Variants in MASTL observed in about 807,000 individuals in gnomAD.
MASTL encodes serine/threonine-protein kinase greatwall.
A neutral mutation model predicts 82.5 loss-of-function variants in MASTL; 54 were observed. The ratio of observed to expected loss-of-function variants is 0.65; its 90% CI spans 0.53 to 0.82. The LOEUF (loss-of-function observed/expected upper bound fraction) is 0.82, where lower values mean the gene tolerates loss of function less well. MASTL is among the 40% of genes least tolerant of loss of function. MASTL has a pLI of 0.00. For missense variants in MASTL, 950 were observed against 1,047.8 expected (o/e 0.91, Z 1.29); for synonymous variants, 323 against 368.9 (o/e 0.88, Z 1.43).
At position 27,164,982 on chromosome 10, in the gene MASTL, TGTC is replaced by T. The variant is rs2057694716; in HGVS notation, c.554-81_554-79del. ...TTTGGTTTACAAAAAATTGTTTTGT[TGTC>T]ATATACATAACATTCATTTTTAGTC... On this transcript the variant is annotated intron_variant, in intron 4 of 11. Coordinates refer to ENST00000375940, the MANE Select transcript of MASTL (RefSeq NM_001172303.3). The T allele has an allele frequency of 3.2e-6, 3 of 935,654 alleles. No individual in the cohort carries two copies. The East Asian group carries it at 7.7e-5, about 24-fold the overall frequency. The allele number at this position is 935,654 out of a possible 1,614,324, so 58.0% of individuals were successfully genotyped here. A position where few individuals can be genotyped will look rare whatever the true frequency, so the allele number is the denominator to read the frequency against.
chr10:27,173,338 C>A, intron 9 of MASTL, 79 bp downstream of exon 9: 1 of 1,527,956 alleles, frequency 6.5e-7, no homozygotes, highest in Non-Finnish European at 9.1e-7. Flanking sequence ...TAAAAAATTT[C>A]TTCAGTACTT....
Position 27,170,675 on chromosome 10 carries a change from TTTTCCTGG to T in MASTL, c.1717_1724del (p.Phe573AsnfsTer17). On this transcript the variant is annotated frameshift_variant, in exon 8 of 12. Coordinates refer to ENST00000375940, the MANE Select transcript of MASTL (RefSeq NM_001172303.3). LOFTEE classifies it high-confidence loss of function. The stretch of plus-strand genomic sequence containing the variant: ...ATATTTCTATGAACTCTGATTCATC[TTTTCCTGG>T]AATTTCTATAATGGAAAGTCCATTA... 6.2e-7 allele frequency: 1 copy of T among 1,611,900 alleles called. No homozygotes were observed. The highest frequency in any genetic ancestry group is 1.1e-5 in the South Asian group (1 of 90,366).
chr10:27,182,616 C>G (rs903000761), intron 11 of MASTL, among the ~76,000 whole-genome samples: 30 of 152,008 alleles, frequency 2.0e-4, no homozygotes, highest in African/African-American at 7.3e-4. Flanking sequence ...AGGCAGTGCG[C>G]ACCTGTAGTT....
rs367954194 is a variant in MASTL, at chr10:27,179,434, G to C, written c.2267-1519G>C. 2.4e-4 allele frequency among the ~76,000 whole-genome samples: 36 copies of C among 152,244 alleles called. 1 individual carries two copies. In the East Asian group the frequency reaches 6.4e-3, roughly 27 times the overall value. On this transcript the variant is annotated intron_variant, in intron 9 of 11. Transcript: ENST00000375940. ...TATCTGGGCATGGTGGCAGGCGCCTGTAGTCCCAGCTACTTGGGAGGCTGA... is the reference window on the plus strand; with the variant it reads ...TATCTGGGCATGGTGGCAGGCGCCTCTAGTCCCAGCTACTTGGGAGGCTGA...
At position 27,171,024 on chromosome 10, in the gene MASTL, G is replaced by C; in HGVS notation, c.2065G>C (p.Gly689Arg). ...AATGGATATTTCGTGTGCCTACAGT[G>C]GTTCATATCCCATGGCTATAACCCC... Reference protein sequence around the residue: ...DAMDISCAYSGSYPMAITPTQ... With the variant: ...DAMDISCAYSRSYPMAITPTQ... The change falls in exon 8 of 12, where the codon GGT becomes CGT. Residue 689 changes from glycine to arginine, a missense_variant. Coordinates refer to ENST00000375940, the MANE Select transcript of MASTL (RefSeq NM_001172303.3). 6.2e-7 allele frequency: 1 copy of C among 1,613,936 alleles called. No individual in the cohort carries two copies. The highest frequency in any genetic ancestry group is 8.5e-7 in the Non-Finnish European group (1 of 1,179,940).
chr10:27,165,978 G>A (rs893429548), intron 6 of MASTL, among the ~76,000 whole-genome samples: 5 of 151,672 alleles, frequency 3.3e-5, no homozygotes, highest in South Asian at 2.1e-4. Flanking sequence ...CAGCCGAGGC[G>A]GGCGGATCCC....
chr10:27,171,714 T>C (rs901294225), intron 8 of MASTL, among the ~76,000 whole-genome samples: 4 of 151,762 alleles, frequency 2.6e-5, no homozygotes, highest in African/African-American at 9.7e-5. Context: ...ATTACAGGTG[T>C]GAGCCACCTC....
intron 8 of MASTL, 47 bp downstream of exon 8, chr10:27,171,130 T>A (rs1442955952): frequency 6.7e-7 from 1 of 1,503,064 alleles, no homozygotes; most frequent in African/African-American, 1.4e-5. Context: ...TTAGAAAAAC[T>A]ATGAAGACAG....
rs369933604 is a variant in MASTL at position 27,182,614 on chromosome 10, C to T, written c.2482+1033C>T. Reference sequence around the variant, plus strand: ...CAAAAAATAGCCAAGCAAGGCAGTGCGCACCTGTAGTTCCAGCTACTTGGG... The same window carrying T: ...CAAAAAATAGCCAAGCAAGGCAGTGTGCACCTGTAGTTCCAGCTACTTGGG... On this transcript the variant is annotated intron_variant, in intron 11 of 11. Transcript: ENST00000375940. 1.1e-4 allele frequency among the ~76,000 whole-genome samples: 16 copies of T among 151,932 alleles called. No individual in the cohort carries two copies. In the East Asian group the frequency reaches 1.9e-3, roughly 18 times the overall value.
At chr10:27,184,678 A>T (rs959412128) in intron 11 of MASTL, among the ~76,000 whole-genome samples, 2 of 143,192 alleles carry the variant, frequency 1.4e-5, no homozygotes, top group African/African-American at 2.6e-5. Flanking sequence ...CTCCTGCCTC[A>T]GCCTCCCAAA....
At chr10:27,171,185 C>T in intron 8 of MASTL, 102 bp downstream of exon 8, 1 of 995,964 alleles carries the variant, frequency 1.0e-6, no homozygotes, top group Non-Finnish European at 1.5e-6. Flanking sequence ...TCATATAGTT[C>T]TGTTCTTCTT....
In MASTL at chr10:27,159,558, A is replaced by G; in HGVS notation, c.325-61A>G. 8.2e-7 allele frequency: 1 copy of G among 1,216,064 alleles called. No individual in the cohort carries two copies. Among genetic ancestry groups the G allele is most frequent in the Non-Finnish European group, 1.2e-6 (1 of 831,066 alleles). The allele number at this position is 1,216,064 out of a possible 1,614,324, so 75.3% of individuals were successfully genotyped here. A position where few individuals can be genotyped will look rare whatever the true frequency, so the allele number is the denominator to read the frequency against. On this transcript the variant is annotated intron_variant, in intron 2 of 11. Coordinates refer to ENST00000375940, the MANE Select transcript of MASTL (RefSeq NM_001172303.3). This position sits in a 1 kb window ranked among gnomAD's most constrained non-coding sequence, Gnocchi z 4.0. ...AATATTGTAACTGTAATGCCCAAAT[A>G]CTAGATTTTTAAAGTAATCATATTG...
rs779347284 is a variant in MASTL at position 27,170,371 on chromosome 10, A to G, written c.1412A>G (p.Asn471Ser). 1.2e-6 allele frequency: 2 copies of G among 1,613,850 alleles called. No individual in the cohort carries two copies. Among genetic ancestry groups the G allele is most frequent in the Admixed American group, 3.3e-5 (2 of 59,996 alleles). The change falls in exon 8 of 12, where the codon AAC becomes AGC. Residue 471 changes from asparagine to serine, a missense_variant. Coordinates refer to ENST00000375940, the MANE Select transcript of MASTL (RefSeq NM_001172303.3). Reference protein sequence around the residue: ...NKKTCVEYKHNEMTNCYTNQN... With the variant: ...NKKTCVEYKHSEMTNCYTNQN... ...AAAACTTGTGTAGAGTATAAGCATAACGAAATGACAAATTGTTATACAAAT... is the reference window on the plus strand; with the variant it reads ...AAAACTTGTGTAGAGTATAAGCATAGCGAAATGACAAATTGTTATACAAAT...
chr10:27,167,337 T>C (rs1392171724), intron 7 of MASTL, 63 bp downstream of exon 7: 2 of 1,361,490 alleles, frequency 1.5e-6, no homozygotes, highest in African/African-American at 2.9e-5. Flanking sequence ...TGAGAAATAT[T>C]ATACCTTTTC....
At chr10:27,177,798 C>T in intron 9 of MASTL, 2 of 969,388 alleles carry the variant, frequency 2.1e-6, no homozygotes, top group Non-Finnish European at 2.5e-6. Flanking sequence ...TTCTTACATG[C>T]AGGATTTCTG....
rs986260462 is a variant in MASTL, at chr10:27,158,816, T to C, written c.324+130T>C. Reference sequence around the variant, plus strand: ...TGGCTGCACTCACTGCCTTGGCAAATTTACCTGTTATATTAGTTAGAGTTC... The same window carrying C: ...TGGCTGCACTCACTGCCTTGGCAAACTTACCTGTTATATTAGTTAGAGTTC... On this transcript the variant is annotated intron_variant, in intron 2 of 11. Coordinates refer to ENST00000375940, the MANE Select transcript of MASTL (RefSeq NM_001172303.3). The C allele has an allele frequency of 7.8e-5, 72 of 928,116 alleles. 1 individual carries two copies. The highest frequency in any genetic ancestry group is 1.2e-4 in the Non-Finnish European group (70 of 575,768). The allele number at this position is 928,116 out of a possible 1,614,324, so 57.5% of individuals were successfully genotyped here. A position where few individuals can be genotyped will look rare whatever the true frequency, so the allele number is the denominator to read the frequency against.
At chr10:27,162,454 A>AG (rs1314080763) in intron 4 of MASTL, among the ~76,000 whole-genome samples, 1 of 152,222 alleles carries the variant, frequency 6.6e-6, no homozygotes. Context: ...CTTGAGGTTG[A>AG]GGTCAGGAGT....
Position 27,170,341 on chromosome 10 carries a change from A to G in MASTL, c.1382A>G (p.Asn461Ser). Residue 461 changes from asparagine to serine, a missense_variant, in exon 8 of 12, where the codon AAT becomes AGT. Transcript: ENST00000375940. ...DSSPCKKIIQNKKTCVEYKHN... is the reference protein window; with the variant it reads ...DSSPCKKIIQSKKTCVEYKHN... ...AGTCCTTGTAAAAAAATTATACAGA[A>G]TAAAAAAACTTGTGTAGAGTATAAG... is the stretch of plus-strand genomic sequence containing the variant. 6.2e-7 allele frequency: 1 copy of G among 1,613,592 alleles called. No individual in the cohort carries two copies. The highest frequency in any genetic ancestry group is 8.5e-7 in the Non-Finnish European group (1 of 1,179,742).
intron 11 of MASTL, among the ~76,000 whole-genome samples, chr10:27,183,181 T>A (rs1557167): frequency 0.68 from 103,195 of 152,054 alleles, 35,223 homozygotes; most frequent in Non-Finnish European, 0.7. Context: ...GTATATTATA[T>A]ACCACTCAGT....
Sources: allele counts gnomAD v4.1 joint callset (sites outside exome capture counted in the v4.1 genomes callset), GRCh38; gene constraint gnomAD v4.1.1; non-coding constraint Gnocchi (gnomAD v3.1); transcripts MANE v1.5; gene names NCBI Gene and HGNC (gene_info 2026-07-23, HGNC 2026-07-21).